OXR1: variants seen among roughly 807,000 people sequenced by gnomAD.
OXR1 encodes oxidation resistance protein 1.
Under a neutral mutation model 104.6 loss-of-function variants are expected in OXR1, and 41 were observed. The observed-to-expected ratio is 0.39, with a 90% CI of 0.31 to 0.51. OXR1 has a LOEUF of 0.51. Among genes scored for constraint, OXR1 ranks in the 20% least tolerant of loss-of-function variants. The pLI is 0.77. For synonymous variants in OXR1, 348 were observed against 348.4 expected (o/e 1.00, Z 0.01); for missense variants, 955 against 1,031.9 (o/e 0.93, Z 1.02).
chr8:106,660,942 G>C (rs1825703044), intron 3 of OXR1, among the ~76,000 whole-genome samples: 1 of 152,114 alleles, frequency 6.6e-6, no homozygotes, highest in Non-Finnish European at 1.5e-5. Context: ...AAACCCAGGA[G>C]GCAAGGTTGC....
chr8:106,293,558 G>T (rs1254545651), intron 1 of OXR1, among the ~76,000 whole-genome samples: 1 of 152,138 alleles, frequency 6.6e-6, no homozygotes, highest in African/African-American at 2.4e-5. Context: ...TGTGTCTTGG[G>T]TTATTTTGTG....
chr8:106,649,457 T>G (rs1824364276), intron 3 of OXR1, among the ~76,000 whole-genome samples: 1 of 151,762 alleles, frequency 6.6e-6, no homozygotes, highest in Admixed American at 6.6e-5. Flanking sequence ...CCCAGTTATA[T>G]ATTGTCCTTT....
chr8:106,430,041 G>C (rs1319143637), intron 2 of OXR1, among the ~76,000 whole-genome samples: 1 of 152,094 alleles, frequency 6.6e-6, no homozygotes, highest in African/African-American at 2.4e-5. Context: ...GTGTGTGTGT[G>C]TCTGTGTGTT....
intron 3 of OXR1, among the ~76,000 whole-genome samples, chr8:106,632,248 C>T (rs1490723318): frequency 6.6e-6 from 1 of 152,174 alleles, no homozygotes; most frequent in African/African-American, 2.4e-5. Flanking sequence ...TCTTCAAGTA[C>T]ATACCTAGTT....
intron 2 of OXR1, among the ~76,000 whole-genome samples, chr8:106,468,042 T>C (rs1821272942): frequency 6.6e-6 from 1 of 151,770 alleles, no homozygotes; most frequent in Admixed American, 6.6e-5. Flanking sequence ...CATTAGTCTG[T>C]GGTGGTAATG....
chr8:106,576,776 A>G (rs976577270), intron 3 of OXR1, among the ~76,000 whole-genome samples: 1 of 152,152 alleles, frequency 6.6e-6, no homozygotes, highest in African/African-American at 2.4e-5. Context: ...TAAGTCAAAC[A>G]TCATCACATA....
intron 1 of OXR1, among the ~76,000 whole-genome samples, chr8:106,348,568 T>G (rs1815594189): frequency 6.6e-6 from 1 of 152,190 alleles, no homozygotes; most frequent in Admixed American, 6.5e-5. Context: ...GGTTTGAACC[T>G]TTAATGACTC....
chr8:106,450,880 G>T (rs1448772424), intron 2 of OXR1, among the ~76,000 whole-genome samples: 1 of 151,874 alleles, frequency 6.6e-6, no homozygotes, highest in Admixed American at 6.6e-5. Flanking sequence ...AGCTTATCTA[G>T]TCATTCCCCT....
intron 11 of OXR1, among the ~76,000 whole-genome samples, chr8:106,716,782 T>C (rs1177656399): frequency 6.6e-6 from 1 of 152,200 alleles, no homozygotes; most frequent in Non-Finnish European, 1.5e-5. Context: ...ATAAACTATA[T>C]TAATACAATT....
intron 3 of OXR1, among the ~76,000 whole-genome samples, chr8:106,561,304 C>T (rs1239026732): frequency 6.6e-6 from 1 of 152,080 alleles, no homozygotes; most frequent in Non-Finnish European, 1.5e-5. Context: ...GGGCATCCAC[C>T]ATTACTGAAG....
chr8:106,740,254 A>G (rs1834806468), intron 13 of OXR1, 89 bp from the exon 14 acceptor site: 4 of 886,758 alleles, frequency 4.5e-6, no homozygotes, highest in East Asian at 2.5e-5. Context: ...CCTATATTAT[A>G]TAGGCACCAT....
intron 2 of OXR1, among the ~76,000 whole-genome samples, chr8:106,505,860 G>T (rs1404788149): frequency 6.6e-6 from 1 of 152,196 alleles, no homozygotes; most frequent in Non-Finnish European, 1.5e-5. Context: ...AAGCCATTCA[G>T]TTCTTTAAAG....
At chr8:106,421,265 C>A (rs2022969) in intron 2 of OXR1, among the ~76,000 whole-genome samples, 17,711 of 152,100 alleles carry the variant, frequency 0.12, 1,485 homozygotes, top group East Asian at 0.42. Context: ...TGACATAATT[C>A]TGAGCTGCAT....
rs1812451746 is a variant in OXR1, at chr8:106,510,487, A to G, written c.24-8456A>G. 2.0e-5 allele frequency among the ~76,000 whole-genome samples: 3 copies of G among 152,226 alleles called. No homozygotes were observed. In the East Asian group the frequency reaches 5.8e-4, roughly 29 times the overall value. ...ATGATTTAGATGTCCTTTTCATTAA[A>G]GGTCAGTAAGAAATGCTAACGTTTT... On this transcript the variant is annotated intron_variant, in intron 2 of 16. Transcript: ENST00000517566.
chr8:106,571,526 G>C (rs1261095154), intron 3 of OXR1, among the ~76,000 whole-genome samples: 1 of 152,098 alleles, frequency 6.6e-6, no homozygotes, highest in Non-Finnish European at 1.5e-5. Context: ...CCAGGGGTGT[G>C]GCATAATTCA....
At chr8:106,734,497 C>T (rs1251953743) in intron 11 of OXR1, among the ~76,000 whole-genome samples, 5 of 152,104 alleles carry the variant, frequency 3.3e-5, no homozygotes, top group Non-Finnish European at 7.3e-5. Flanking sequence ...ATATAACTAG[C>T]AGATTTTTGT....
At chr8:106,405,202 A>T (rs1158061509) in intron 2 of OXR1, among the ~76,000 whole-genome samples, 1 of 20,044 alleles carries the variant, frequency 5.0e-5, no homozygotes, top group South Asian at 2.5e-3. Context: ...ATATATATAT[A>T]GTGTGTGTGT....
At chr8:106,679,319 A>G (rs1827915534) in intron 4 of OXR1, 27 bp downstream of exon 4, 1 of 1,289,708 alleles carries the variant, frequency 7.8e-7, no homozygotes, top group Non-Finnish European at 1.1e-6. Context: ...CGAAAAAGCT[A>G]TTTTTCTTTG....
intron 1 of OXR1, among the ~76,000 whole-genome samples, chr8:106,303,248 CTTTTTTTTTT>C (rs1164596413): frequency 1.1e-5 from 1 of 92,364 alleles, no homozygotes; most frequent in Non-Finnish European, 2.0e-5. Context: ...TTTTTTCTTT[CTTTTTTTTTT>C]TTTTTTTTTT....
Sources: allele counts gnomAD v4.1 joint callset (sites outside exome capture counted in the v4.1 genomes callset), GRCh38; gene constraint gnomAD v4.1.1; transcripts MANE v1.5; gene names NCBI Gene and HGNC (gene_info 2026-07-23, HGNC 2026-07-21).